INPP4B: variants seen among roughly 807,000 people sequenced by gnomAD.
INPP4B encodes the protein inositol polyphosphate 4-phosphatase type II.
INPP4B carries 55 observed loss-of-function variants against 122.5 expected under a neutral mutation model. That is an observed-to-expected ratio of 0.45 (90% CI 0.36 to 0.56). INPP4B has a LOEUF of 0.56. Ranked by LOEUF, INPP4B falls within the 20% of genes least tolerant of loss-of-function variation. INPP4B has a pLI of 0.00. For missense variants in INPP4B, 1,000 were observed against 1,097.7 expected (o/e 0.91, Z 1.26); for synonymous variants, 403 against 388.7 (o/e 1.04, Z -0.43).
At chr4:142,111,688 C>T (rs1006336507) in intron 22 of INPP4B, among the ~76,000 whole-genome samples, 3 of 151,766 alleles carry the variant, frequency 2.0e-5, no homozygotes, top group South Asian at 2.1e-4. Context: ...TTTCTGTAAT[C>T]TCTATATGTG....
At chr4:142,292,785 T>C (rs1756980075) in intron 9 of INPP4B, among the ~76,000 whole-genome samples, 2 of 152,282 alleles carry the variant, frequency 1.3e-5, no homozygotes, top group South Asian at 2.1e-4. Flanking sequence ...TGTGTGAACA[T>C]AGGAAAAAAG....
At chr4:142,663,957 C>T (rs193210379) in intron 2 of INPP4B, among the ~76,000 whole-genome samples, 187 of 152,148 alleles carry the variant, frequency 1.2e-3, no homozygotes, top group African/African-American at 4.5e-3. Context: ...TCCAGATATT[C>T]CAAAAAGATG....
chr4:142,293,228 C>T (rs190003006), intron 9 of INPP4B, among the ~76,000 whole-genome samples: 17 of 151,858 alleles, frequency 1.1e-4, no homozygotes, highest in Admixed American at 9.8e-4. Context: ...TTAGTAGAGA[C>T]GGGGTTTCAC....
chr4:142,421,278 C>T (rs1342608831), intron 5 of INPP4B, among the ~76,000 whole-genome samples: 3 of 152,020 alleles, frequency 2.0e-5, no homozygotes, highest in Non-Finnish European at 4.4e-5. Context: ...GCTAGTTATC[C>T]GATGCTCTCA....
chr4:142,357,640 A>T (rs1784048063), intron 7 of INPP4B, among the ~76,000 whole-genome samples: 1 of 151,852 alleles, frequency 6.6e-6, no homozygotes, highest in Admixed American at 6.6e-5. Flanking sequence ...ATATTCATCA[A>T]CATGAGTACT....
chr4:142,257,738 G>T (rs886878152), intron 11 of INPP4B, among the ~76,000 whole-genome samples: 1 of 152,204 alleles, frequency 6.6e-6, no homozygotes, highest in South Asian at 2.1e-4. Context: ...CTATGCTCAT[G>T]GGTAGGATGA....
intron 8 of INPP4B, chr4:142,306,084 C>T: frequency 4.1e-6 from 1 of 242,912 alleles, no homozygotes; most frequent in Non-Finnish European, 6.7e-6. Flanking sequence ...GGGACAATTT[C>T]ATTCTAATAC....
At chr4:142,458,664 C>G (rs1338971735) in intron 3 of INPP4B, among the ~76,000 whole-genome samples, 2 of 152,044 alleles carry the variant, frequency 1.3e-5, no homozygotes, top group Non-Finnish European at 2.9e-5. Flanking sequence ...AAAACTGGCA[C>G]AGAAATATTC....
In INPP4B at chr4:142,028,681, C is replaced by T. The variant is rs979333338; in HGVS notation, c.*101G>A. On this transcript the variant is annotated 3_prime_UTR_variant, in exon 26 of 26. Coordinates refer to ENST00000262992, the MANE Select transcript of INPP4B (RefSeq NM_001101669.3). ...GGGAAACATCTGTGATCATCTCCCC[C>T]ACCACAAATTCATGACAATAAAAAC... 5 of 1,237,922 alleles carry T rather than the reference C, an allele frequency of 4.0e-6. No individual in the cohort carries two copies. Among genetic ancestry groups the T allele is most frequent in the Admixed American group, 2.4e-5 (1 of 42,468 alleles). 76.7% of individuals were successfully genotyped at this position (1,237,922 alleles called of 1,614,324 possible).
intron 2 of INPP4B, among the ~76,000 whole-genome samples, chr4:142,582,307 C>T (rs1735275426): frequency 6.6e-6 from 1 of 151,996 alleles, no homozygotes; most frequent in African/African-American, 2.4e-5. Context: ...TTGTATCCTA[C>T]ATTTATTAAA....
At chr4:142,185,337 T>C (rs978979430) in intron 15 of INPP4B, among the ~76,000 whole-genome samples, 2 of 151,900 alleles carry the variant, frequency 1.3e-5, no homozygotes, top group East Asian at 1.9e-4. Flanking sequence ...ATGGAAGATA[T>C]GAGTAAAGTG....
At chr4:142,309,394 T>C (rs1410945281) in intron 8 of INPP4B, among the ~76,000 whole-genome samples, 2 of 152,080 alleles carry the variant, frequency 1.3e-5, no homozygotes, top group Non-Finnish European at 2.9e-5. Context: ...AGGTACTATG[T>C]AGTTATGAAT....
At chr4:142,593,928 G>GT (rs1297728257) in intron 2 of INPP4B, among the ~76,000 whole-genome samples, 7 of 151,696 alleles carry the variant, frequency 4.6e-5, no homozygotes, top group Non-Finnish European at 5.9e-5. Context: ...TGAACTATTT[G>GT]TTTTATTGCT....
At chr4:142,519,517 G>T (rs1446476748) in intron 2 of INPP4B, among the ~76,000 whole-genome samples, 2 of 152,120 alleles carry the variant, frequency 1.3e-5, no homozygotes, top group African/African-American at 2.4e-5. Context: ...CTGGCAGTGA[G>T]ATAAATGAGT....
intron 2 of INPP4B, among the ~76,000 whole-genome samples, chr4:142,522,264 A>T (rs1335329151): frequency 6.6e-6 from 1 of 151,738 alleles, no homozygotes; most frequent in Non-Finnish European, 1.5e-5. Flanking sequence ...CAAATTGAGA[A>T]TTTTATTCCA....
At chr4:142,495,351 C>T (rs1467286712) in intron 2 of INPP4B, among the ~76,000 whole-genome samples, 4 of 151,782 alleles carry the variant, frequency 2.6e-5, no homozygotes, top group African/African-American at 4.8e-5. Flanking sequence ...ACATATGAAA[C>T]GCACACACAC....
intron 12 of INPP4B, among the ~76,000 whole-genome samples, chr4:142,229,794 T>A (rs945769657): frequency 5.9e-5 from 9 of 152,214 alleles, no homozygotes; most frequent in African/African-American, 2.2e-4. Flanking sequence ...TTGTTACTGA[T>A]GCTATGAAGA....
At chr4:142,531,160 T>G (rs2149984406) in intron 2 of INPP4B, among the ~76,000 whole-genome samples, 1 of 151,904 alleles carries the variant, frequency 6.6e-6, no homozygotes, top group South Asian at 2.1e-4. Flanking sequence ...GGATACAGTT[T>G]GAAAATAAAG....
intron 21 of INPP4B, among the ~76,000 whole-genome samples, chr4:142,119,129 T>C (rs1795281506): frequency 6.6e-6 from 1 of 152,150 alleles, no homozygotes; most frequent in Non-Finnish European, 1.5e-5. Flanking sequence ...TGGCGATCAT[T>C]AAAATGTCAG....
Sources: gnomAD v4.1 joint callset for allele counts (sites outside exome capture counted in the v4.1 genomes callset) on GRCh38, gnomAD v4.1.1 for gene constraint, MANE v1.5 for transcripts, NCBI Gene and HGNC (gene_info 2026-07-23, HGNC 2026-07-21) for gene names.